Variants in GATAD2A observed in about 807,000 individuals in gnomAD.
The protein encoded by GATAD2A is GATA zinc finger domain containing 2A.
GATAD2A carries 12 observed loss-of-function variants against 68.5 expected under a neutral mutation model. The ratio of observed to expected loss-of-function variants is 0.18; its 90% CI spans 0.11 to 0.28. The LOEUF (loss-of-function observed/expected upper bound fraction) is 0.28. Among genes scored for constraint, GATAD2A ranks in the 10% least tolerant of loss-of-function variants. The pLI is 1.00. For synonymous variants in GATAD2A, 410 were observed against 375.3 expected (o/e 1.09, Z -1.07); for missense variants, 755 against 868.5 (o/e 0.87, Z 1.64).
chr19:19,389,205 T>G (rs1415521477), intron 1 of GATAD2A, among the ~76,000 whole-genome samples: 1 of 152,104 alleles, frequency 6.6e-6, no homozygotes, highest in African/African-American at 2.4e-5. Flanking sequence ...AGGACAGGAA[T>G]GAACTCAGTT....
intron 1 of GATAD2A, chr19:19,441,725 C>G (rs975651030): frequency 1.2e-5 from 2 of 170,322 alleles, no homozygotes; most frequent in Non-Finnish European, 2.6e-5. Flanking sequence ...CCACAACGCC[C>G]GGCTAATTTT....
chr19:19,457,981 C>T (rs1482938657), intron 1 of GATAD2A, among the ~76,000 whole-genome samples: 1 of 152,162 alleles, frequency 6.6e-6, no homozygotes, highest in East Asian at 1.9e-4. Flanking sequence ...TGGTCTTATC[C>T]TAGGACCACT....
chr19:19,495,655 ACTAGTATGTACTTTC>A, intron 5 of GATAD2A, 84 bp from the exon 6 acceptor site: 20 of 1,048,160 alleles, frequency 1.9e-5, no homozygotes, highest in South Asian at 9.4e-5. Flanking sequence ...AAAAAAAAAA[ACTAGTATGTACTTTC>A]ATAAAAGCAG....
intron 1 of GATAD2A, among the ~76,000 whole-genome samples, chr19:19,431,520 C>G (rs2053746869): frequency 6.6e-6 from 1 of 151,032 alleles, no homozygotes; most frequent in Non-Finnish European, 1.5e-5. Flanking sequence ...ATGGTGAAAC[C>G]CCGTCTCTAA....
At chr19:19,410,271 CAGG>C (rs1440602969) in intron 1 of GATAD2A, among the ~76,000 whole-genome samples, 2 of 139,098 alleles carry the variant, frequency 1.4e-5, no homozygotes, top group Non-Finnish European at 3.0e-5. Flanking sequence ...GATTTGCTGG[CAGG>C]AGATGAGCAG....
intron 1 of GATAD2A, among the ~76,000 whole-genome samples, chr19:19,444,458 C>T (rs2055467248): frequency 6.6e-6 from 1 of 152,146 alleles, no homozygotes; most frequent in Non-Finnish European, 1.5e-5. Flanking sequence ...AGTAGGAGGC[C>T]TATCGTTGTT....
intron 4 of GATAD2A, among the ~76,000 whole-genome samples, chr19:19,493,190 G>A (rs1051809745): frequency 7.9e-5 from 12 of 152,110 alleles, no homozygotes; most frequent in African/African-American, 2.9e-4. Flanking sequence ...CCGCCCACAC[G>A]GGCCTCCCAA....
At chr19:19,502,143 C>A (rs891684913) in intron 10 of GATAD2A, 100 bp downstream of exon 10, 1 of 966,436 alleles carries the variant, frequency 1.0e-6, no homozygotes, top group Non-Finnish European at 1.6e-6. Context: ...CTGTCTCTCC[C>A]TGTTTCTGTT....
chr19:19,417,978 A>G (rs1185954060), intron 1 of GATAD2A, among the ~76,000 whole-genome samples: 1 of 152,114 alleles, frequency 6.6e-6, no homozygotes, highest in African/African-American at 2.4e-5. Context: ...GAAACAGGGC[A>G]GGGTGTCATG....
At chr19:19,393,671 C>T (rs992644426) in intron 1 of GATAD2A, among the ~76,000 whole-genome samples, 1 of 152,142 alleles carries the variant, frequency 6.6e-6, no homozygotes, top group Non-Finnish European at 1.5e-5. Context: ...TTGGGAGCTT[C>T]AGGTGGGGTT....
rs574707744 is a variant in GATAD2A, at chr19:19,487,104, T to C, written c.270-5202T>C. On this transcript the variant is annotated intron_variant, in intron 2 of 11. Coordinates refer to ENST00000683918, the MANE Select transcript of GATAD2A (RefSeq NM_001384528.1). ...TCACATGACAGGCTCAGCCAGCCTC[T>C]CCCCCATCCCCAGCCATCATAGACT... Among the ~76,000 whole-genome samples the C allele has an allele frequency of 2.0e-5, 3 of 152,228 alleles. No individual in the cohort carries two copies. In the East Asian group the frequency reaches 5.8e-4, roughly 29 times the overall value.
At chr19:19,454,728 G>GGC (rs1555707172) in intron 1 of GATAD2A, among the ~76,000 whole-genome samples, 1 of 121,618 alleles carries the variant, frequency 8.2e-6, no homozygotes, top group Non-Finnish European at 1.7e-5. Context: ...GAGCCACTGT[G>GGC]CCCCCCCCCA....
chr19:19,505,527 G>A lies in GATAD2A; in HGVS notation c.*53G>A. On this transcript the variant is annotated 3_prime_UTR_variant, in exon 12 of 12. Coordinates refer to ENST00000683918, the MANE Select transcript of GATAD2A (RefSeq NM_001384528.1). Reference sequence around the variant, plus strand: ...CTCCCTCCTCCCCCACCTGGCCCCTGGTCTAGAAGGACCCACTGCACCACC... The same window carrying A: ...CTCCCTCCTCCCCCACCTGGCCCCTAGTCTAGAAGGACCCACTGCACCACC... 1 of 1,493,078 alleles carries A rather than the reference G, an allele frequency of 6.7e-7. No individual in the cohort carries two copies. Among genetic ancestry groups the A allele is most frequent in the Non-Finnish European group, 9.0e-7 (1 of 1,113,236 alleles). The allele number at this position is 1,493,078 out of a possible 1,614,324, so 92.5% of individuals were successfully genotyped here. A position where few individuals can be genotyped will look rare whatever the true frequency, so the allele number is the denominator to read the frequency against.
intron 1 of GATAD2A, among the ~76,000 whole-genome samples, chr19:19,424,742 C>G (rs1317534688): frequency 6.6e-6 from 1 of 152,150 alleles, no homozygotes; most frequent in African/African-American, 2.4e-5. Flanking sequence ...AGCGACTGTG[C>G]TGTGCATTGG....
intron 11 of GATAD2A, among the ~76,000 whole-genome samples, chr19:19,502,747 A>G (rs1201749407): frequency 1.3e-5 from 2 of 152,188 alleles, no homozygotes; most frequent in Non-Finnish European, 2.9e-5. Flanking sequence ...CACTCTCTGC[A>G]CCCAGGCTCA....
At chr19:19,459,368 CT>C (rs112022185) in intron 1 of GATAD2A, among the ~76,000 whole-genome samples, 2,745 of 143,518 alleles carry the variant, frequency 0.019, 27 homozygotes, top group South Asian at 0.043. Context: ...CTATATACAC[CT>C]TTTTTTTTTT....
At chr19:19,455,644 T>C (rs2056856056) in intron 1 of GATAD2A, among the ~76,000 whole-genome samples, 1 of 152,150 alleles carries the variant, frequency 6.6e-6, no homozygotes, top group Non-Finnish European at 1.5e-5. Context: ...CACTAAAGCA[T>C]ATGGAAGGAT....
chr19:19,407,438 T>C (rs1312626123), intron 1 of GATAD2A, among the ~76,000 whole-genome samples: 3 of 152,200 alleles, frequency 2.0e-5, no homozygotes, highest in African/African-American at 7.2e-5. Context: ...GGAAGTATTA[T>C]CTGCGCTTTA....
At chr19:19,496,952 C>T (rs2060195782) in intron 7 of GATAD2A, among the ~76,000 whole-genome samples, 1 of 152,238 alleles carries the variant, frequency 6.6e-6, no homozygotes, top group Non-Finnish European at 1.5e-5. Flanking sequence ...TCCCTGCCTG[C>T]TTTCGAAGGT....
Sources: gnomAD v4.1 joint callset for allele counts (sites outside exome capture counted in the v4.1 genomes callset) on GRCh38, gnomAD v4.1.1 for gene constraint, MANE v1.5 for transcripts, NCBI Gene and HGNC (gene_info 2026-07-23, HGNC 2026-07-21) for gene names.